Variants in NDUFV2 observed in about 807,000 individuals in gnomAD.
The protein encoded by NDUFV2 is NADH dehydrogenase [ubiquinone] flavoprotein 2, mitochondrial.
NDUFV2 carries 18 observed loss-of-function variants against 31.6 expected under a neutral mutation model. The observed-to-expected ratio is 0.57, with a 90% CI of 0.39 to 0.84. NDUFV2 has a LOEUF of 0.84. Ranked by LOEUF, NDUFV2 falls within the 40% of genes least tolerant of loss-of-function variation. The probability of loss-of-function intolerance (pLI) is 0.00; values close to 1 mark genes in which losing one functional copy is unlikely to be tolerated. For missense variants in NDUFV2, 314 were observed against 303.6 expected (o/e 1.03, Z -0.26); for synonymous variants, 83 against 99.8 (o/e 0.83, Z 1.01).
chr18:9,124,789 T>A, intron 5 of NDUFV2, 85 bp from the exon 6 acceptor site: 1 of 1,323,558 alleles, frequency 7.6e-7, no homozygotes, highest in East Asian at 2.6e-5. Flanking sequence ...TTAATATACC[T>A]CTATAAAAAT....
At chr18:9,113,529 C>T (rs1267847688) in intron 1 of NDUFV2, among the ~76,000 whole-genome samples, 1 of 152,112 alleles carries the variant, frequency 6.6e-6, no homozygotes, top group Non-Finnish European at 1.5e-5. Flanking sequence ...ATTCATATCT[C>T]ACGGTAAGGG....
Position 9,124,898 on chromosome 18 carries a change from C to T in NDUFV2, c.494C>T (p.Pro165Leu), listed in dbSNP as rs1242479504. ...KLGIKVGETT[P>L]DKLFTLIEVE... Reference sequence around the variant, plus strand: ...GGAATAAAGGTTGGGGAGACTACACCTGACAAACTTTTCACTCTTATAGAA... The same window carrying T: ...GGAATAAAGGTTGGGGAGACTACACTTGACAAACTTTTCACTCTTATAGAA... The change falls in exon 6 of 8, where the codon CCT (proline) becomes CTT (leucine). Residue 165 changes from proline (P) to leucine (L), a missense_variant. Pro to Leu is a moderately conservative substitution (Grantham distance 98). Coordinates refer to ENST00000318388, the MANE Select transcript of NDUFV2 (RefSeq NM_021074.5). 6.2e-7 allele frequency: 1 copy of T among 1,612,032 alleles called. No homozygotes were observed.
intron 1 of NDUFV2, among the ~76,000 whole-genome samples, chr18:9,105,888 A>G (rs527815401): frequency 4.6e-5 from 7 of 152,250 alleles, no homozygotes; most frequent in African/African-American, 1.7e-4. Context: ...TGTGTCTGGT[A>G]ATCTTAGTTG....
At chr18:9,102,888 C>G in intron 1 of NDUFV2, 91 bp downstream of exon 1, 1 of 1,376,984 alleles carries the variant, frequency 7.3e-7, no homozygotes, top group Non-Finnish European at 9.7e-7. Context: ...GAGCCCTGGG[C>G]TCTGCACGGG....
chr18:9,122,594 G>T lies in NDUFV2; in HGVS notation c.382G>T (p.Gly128Ter). The part of the protein sequence containing the change: ...FYTMYNRKPV[G>*]KYHIQVCTTT... ...TACAATGTATAATCGAAAGCCAGTTGGAAAGTATCACATTCAGGTCTGCAC... is the reference window on the plus strand; with the variant it reads ...TACAATGTATAATCGAAAGCCAGTTTGAAAGTATCACATTCAGGTCTGCAC... The change falls in exon 5 of 8, where the codon GGA becomes TGA. Residue 128 changes from glycine (G) to a stop codon, truncating the protein, a stop_gained. Transcript: ENST00000318388. LOFTEE classifies it high-confidence loss of function. 6.2e-7 allele frequency: 1 copy of T among 1,614,002 alleles called. No individual in the cohort carries two copies.
At chr18:9,104,382 C>T (rs1050517792) in intron 1 of NDUFV2, among the ~76,000 whole-genome samples, 3 of 152,034 alleles carry the variant, frequency 2.0e-5, no homozygotes, top group Admixed American at 1.3e-4. Flanking sequence ...TTGGATAGGT[C>T]ACTGGATAGG....
At chr18:9,117,783 GA>G in intron 1 of NDUFV2, 54 bp from the exon 2 acceptor site, 2 of 1,007,526 alleles carry the variant, frequency 2.0e-6, no homozygotes, top group Non-Finnish European at 3.1e-6. Flanking sequence ...ATTTCTTTAT[GA>G]AAAATTTTTT....
chr18:9,129,798 A>G (rs896833582), intron 7 of NDUFV2, among the ~76,000 whole-genome samples: 2 of 152,186 alleles, frequency 1.3e-5, no homozygotes, highest in African/African-American at 4.8e-5. Context: ...GGGCCCAGAT[A>G]AGTAATCTGG....
chr18:9,126,966 A>G, intron 7 of NDUFV2, 59 bp downstream of exon 7: 2 of 1,407,610 alleles, frequency 1.4e-6, no homozygotes, highest in Non-Finnish European at 2.0e-6. Context: ...TCTTTCAGAT[A>G]AACTTGATTT....
intron 1 of NDUFV2, chr18:9,104,814 A>C (rs2077833390): frequency 4.3e-6 from 4 of 935,158 alleles, no homozygotes; most frequent in Non-Finnish European, 5.9e-6. Flanking sequence ...TTTATTACAC[A>C]CGTCATACGT....
intron 5 of NDUFV2, among the ~76,000 whole-genome samples, chr18:9,124,489 C>G (rs2077970252): frequency 6.9e-6 from 1 of 144,680 alleles, no homozygotes; most frequent in Non-Finnish European, 1.5e-5. Context: ...TGCTCTGTTG[C>G]CCAGGCTGGA....
At chr18:9,126,736 A>T in intron 6 of NDUFV2, 95 bp from the exon 7 acceptor site, 1 of 1,122,598 alleles carries the variant, frequency 8.9e-7, no homozygotes, top group Non-Finnish European at 1.3e-6. Flanking sequence ...GGAGTTGGAG[A>T]CCAGCCTGGG....
At chr18:9,112,238 C>T (rs879347167) in intron 1 of NDUFV2, among the ~76,000 whole-genome samples, 2 of 151,458 alleles carry the variant, frequency 1.3e-5, no homozygotes, top group African/African-American at 2.4e-5. Flanking sequence ...AGGCTGATCT[C>T]GAACTCCTGA....
At chr18:9,124,447 CTTTTTTTT>C (rs534490648) in intron 5 of NDUFV2, among the ~76,000 whole-genome samples, 1 of 113,396 alleles carries the variant, frequency 8.8e-6, no homozygotes, top group Admixed American at 9.0e-5. Context: ...TTTTAAAAAA[CTTTTTTTT>C]TTTTTTTTTT....
chr18:9,118,008 A>G, intron 2 of NDUFV2, 105 bp downstream of exon 2: 1 of 784,920 alleles, frequency 1.3e-6, no homozygotes, highest in South Asian at 1.4e-5. Flanking sequence ...TTGATATATG[A>G]TGGTCATCGT....
At chr18:9,124,428 T>C (rs191714755) in intron 5 of NDUFV2, among the ~76,000 whole-genome samples, 88 of 151,454 alleles carry the variant, frequency 5.8e-4, no homozygotes, top group African/African-American at 1.9e-3. Flanking sequence ...TGGCCTAGGA[T>C]TTTTTTCTTT....
At chr18:9,103,239 A>AACTT (rs1389766489) in intron 1 of NDUFV2, 1 of 398,100 alleles carries the variant, frequency 2.5e-6, no homozygotes, top group African/African-American at 2.1e-5. Context: ...GCTTAGGGAG[A>AACTT]ACTTCATTAG....
intron 7 of NDUFV2, among the ~76,000 whole-genome samples, chr18:9,130,690 C>T (rs1446136504): frequency 6.6e-6 from 1 of 152,012 alleles, no homozygotes; most frequent in Non-Finnish European, 1.5e-5. Context: ...CTGTCTAATT[C>T]TTTTTTATTG....
Position 9,102,733 on chromosome 18 carries a change from T to A in NDUFV2, c.-11T>A. ...TGGCGCGGCTGGGGAAGGTGAACAG[T>A]GTGGCCCGCCATGTTCTTCTCCGCG... On this transcript the variant is annotated 5_prime_UTR_variant, in exon 1 of 8. Coordinates refer to ENST00000318388, the MANE Select transcript of NDUFV2 (RefSeq NM_021074.5). The A allele has an allele frequency of 6.3e-7, 1 of 1,584,508 alleles. No individual in the cohort carries two copies. Among genetic ancestry groups the A allele is most frequent in the Non-Finnish European group, 8.6e-7 (1 of 1,167,974 alleles).
Sources: gnomAD v4.1 joint callset for allele counts (sites outside exome capture counted in the v4.1 genomes callset) on GRCh38, gnomAD v4.1.1 for gene constraint, MANE v1.5 for transcripts, NCBI Gene and HGNC (gene_info 2026-07-23, HGNC 2026-07-21) for gene names.